The following GCNT1 variants were observed in gnomAD, a reference collection of about 807,000 sequenced individuals.
GCNT1 encodes glucosaminyl (N-acetyl) transferase 1.
A neutral mutation model predicts 26.2 loss-of-function variants in GCNT1; 16 were observed. The ratio of observed to expected loss-of-function variants is 0.61; its 90% CI spans 0.41 to 0.93. The LOEUF is 0.93. Ranked by LOEUF, GCNT1 falls within the 40% of genes least tolerant of loss-of-function variation. The pLI, the probability that GCNT1 is intolerant of heterozygous loss-of-function variation, is 0.00. For missense variants in GCNT1, 477 were observed against 526.7 expected (o/e 0.91, Z 0.92); for synonymous variants, 183 against 190.8 (o/e 0.96, Z 0.34).
chr9:76,455,439 A>T (rs932279033), upstream of GCNT1, among the ~76,000 whole-genome samples: 2 of 152,138 alleles, frequency 1.3e-5, no homozygotes, highest in African/African-American at 4.8e-5. Flanking sequence ...GTGTGAAAGG[A>T]TGTTATCCAT....
At chr9:76,447,356 T>G (rs1823594260) in intron 1 of GCNT1, among the ~76,000 whole-genome samples, 1 of 151,774 alleles carries the variant, frequency 6.6e-6, no homozygotes, top group Non-Finnish European at 1.5e-5. Context: ...CCTTCCACTT[T>G]AGCCTCCTTA....
At chr9:76,488,557 T>A (rs1487224612) in intron 2 of GCNT1, among the ~76,000 whole-genome samples, 1 of 152,194 alleles carries the variant, frequency 6.6e-6, no homozygotes, top group African/African-American at 2.4e-5. Context: ...CAGTCTCCGC[T>A]CACTACAACC....
chr9:76,395,705 G>T, the GCNT1 span, among the ~76,000 whole-genome samples: 2 of 152,142 alleles, frequency 1.3e-5, no homozygotes, highest in Non-Finnish European at 2.9e-5. Flanking sequence ...AGCAATTATG[G>T]TCAGTTACTT....
chr9:76,441,426 A>G (rs1034993874), upstream of GCNT1, among the ~76,000 whole-genome samples: 7 of 152,172 alleles, frequency 4.6e-5, no homozygotes, highest in African/African-American at 1.7e-4. Context: ...GATTACAGGC[A>G]TGAGCCATCA....
the GCNT1 span, among the ~76,000 whole-genome samples, chr9:76,401,514 A>G: frequency 3.9e-5 from 6 of 152,360 alleles, no homozygotes; most frequent in African/African-American, 1.4e-4. Context: ...TTACTCAATA[A>G]GAACACATTA....
chr9:76,416,140 CCT>C (rs1235304812), upstream of GCNT1, among the ~76,000 whole-genome samples: 1 of 152,076 alleles, frequency 6.6e-6, no homozygotes, highest in Non-Finnish European at 1.5e-5. Flanking sequence ...CCCATAAAAA[CCT>C]CAAATTCCAC....
intron 1 of GCNT1, among the ~76,000 whole-genome samples, chr9:76,452,398 G>C (rs957217641): frequency 5.9e-5 from 9 of 152,122 alleles, no homozygotes; most frequent in Non-Finnish European, 1.3e-4. Context: ...ACTTAGAAAT[G>C]ATCTAGGTAC....
the GCNT1 span, chr9:76,394,131 C>A: frequency 6.2e-7 from 1 of 1,609,788 alleles, no homozygotes. Flanking sequence ...GCCGAAGCCC[C>A]GCACCACTTG....
chr9:76,413,724 A>G, the GCNT1 span, among the ~76,000 whole-genome samples: 2 of 133,876 alleles, frequency 1.5e-5, no homozygotes, highest in East Asian at 4.4e-4. Context: ...CTTCCAGCAT[A>G]TGTAGTTTGA....
At chr9:76,443,363 T>C (rs1823510613) in intron 1 of GCNT1, among the ~76,000 whole-genome samples, 1 of 152,184 alleles carries the variant, frequency 6.6e-6, no homozygotes, top group African/African-American at 2.4e-5. Context: ...AGCAAGCCAG[T>C]CATTAGCATT....
At chr9:76,419,273 A>G (rs998392195), upstream of GCNT1, among the ~76,000 whole-genome samples, 2 of 152,196 alleles carry the variant, frequency 1.3e-5, no homozygotes, top group African/African-American at 4.8e-5. Flanking sequence ...ATGACAACAG[A>G]CTTTGTCCAT....
upstream of GCNT1, among the ~76,000 whole-genome samples, chr9:76,415,399 TC>T (rs553751809): frequency 2.6e-5 from 4 of 152,068 alleles, no homozygotes; most frequent in Non-Finnish European, 4.4e-5. Context: ...CTTGGATTTT[TC>T]CCCCCACCTT....
chr9:76,457,498 C>T (rs1207745737), upstream of GCNT1, among the ~76,000 whole-genome samples: 1 of 152,194 alleles, frequency 6.6e-6, no homozygotes, highest in African/African-American at 2.4e-5. Context: ...ATCCACCCAC[C>T]TCGGCCTCCC....
chr9:76,428,593 C>G (rs1823292129), intron 1 of GCNT1, among the ~76,000 whole-genome samples: 1 of 152,080 alleles, frequency 6.6e-6, no homozygotes, highest in African/African-American at 2.4e-5. Context: ...TTTCCTCCCA[C>G]CACCATCTTC....
chr9:76,424,579 A>G (rs1444745075), intron 1 of GCNT1, among the ~76,000 whole-genome samples: 1 of 152,174 alleles, frequency 6.6e-6, no homozygotes, highest in South Asian at 2.1e-4. Flanking sequence ...CTCTTTTTTC[A>G]TCTCAAAAAA....
At chr9:76,489,866 C>G (rs554893974) in intron 2 of GCNT1, among the ~76,000 whole-genome samples, 1 of 152,270 alleles carries the variant, frequency 6.6e-6, no homozygotes, top group South Asian at 2.1e-4. Context: ...CAGAGGGGAA[C>G]TCTTTAGGCC....
chr9:76,407,789 T>C, the GCNT1 span, among the ~76,000 whole-genome samples: 2,491 of 152,316 alleles, frequency 0.016, 67 homozygotes, highest in African/African-American at 0.056. Context: ...CTTTGATTTA[T>C]TTCATCAGAG....
chr9:76,481,903 C>G (rs1824432550), intron 2 of GCNT1, among the ~76,000 whole-genome samples: 1 of 152,110 alleles, frequency 6.6e-6, no homozygotes, highest in Non-Finnish European at 1.5e-5. Context: ...TGAAGAGGGC[C>G]AAGTGATAAC....
the GCNT1 span, among the ~76,000 whole-genome samples, chr9:76,407,933 G>A: frequency 6.6e-6 from 1 of 152,240 alleles, no homozygotes; most frequent in Middle Eastern, 3.4e-3. Context: ...GTTAATTGCT[G>A]ATATACCAGA....
Sources: allele counts gnomAD v4.1 joint callset (sites outside exome capture counted in the v4.1 genomes callset), GRCh38; gene constraint gnomAD v4.1.1; transcripts MANE v1.5; gene names NCBI Gene and HGNC (gene_info 2026-07-23, HGNC 2026-07-21).